TMEM71: variants seen among roughly 807,000 people sequenced by gnomAD.
TMEM71 encodes transmembrane protein 71.
In TMEM71, 44 loss-of-function variants were observed where a neutral mutation model predicts 38.0. That is an observed-to-expected ratio of 1.16 (90% CI 0.91 to 1.49). The LOEUF is 1.49. Ranked by LOEUF, TMEM71 falls within the 40% of genes most tolerant of loss-of-function variation. The probability of loss-of-function intolerance (pLI) is 0.00; values close to 1 mark genes in which losing one functional copy is unlikely to be tolerated. For missense variants in TMEM71, 367 were observed against 348.6 expected (o/e 1.05, Z -0.42); for synonymous variants, 133 against 122.5 (o/e 1.09, Z -0.56).
At position 132,710,002 on chromosome 8, in the gene TMEM71, G is replaced by A. The variant is rs1468387623; in HGVS notation, c.*965C>T. On this transcript the variant is annotated 3_prime_UTR_variant, in exon 10 of 10. Transcript: ENST00000677595. ...TTTTTTAACCAAAAATGTACTAAAT[G>A]CAAATTATATATAAAGTTATATTTT... is the stretch of plus-strand genomic sequence containing the variant. 1 of 151,974 alleles carries A rather than the reference G, an allele frequency of 6.6e-6. No individual in the cohort carries two copies. The highest frequency in any genetic ancestry group is 6.5e-5 in the Admixed American group (1 of 15,270). The allele number at this position is 151,974 out of a possible 1,614,324, so 9.4% of individuals were successfully genotyped here. A position where few individuals can be genotyped will look rare whatever the true frequency, so the allele number is the denominator to read the frequency against.
At chr8:132,770,834 C>T in the TMEM71 span, among the ~76,000 whole-genome samples, 1 of 152,122 alleles carries the variant, frequency 6.6e-6, no homozygotes, top group Admixed American at 6.5e-5. Context: ...GATTTCCAGT[C>T]CCCAAACCTA....
chr8:132,743,571 T>C (rs550939175), intron 5 of TMEM71, among the ~76,000 whole-genome samples: 31 of 152,350 alleles, frequency 2.0e-4, no homozygotes, highest in Non-Finnish European at 4.1e-4. Context: ...TCCTATTCAC[T>C]TATTCAATGT....
intron 5 of TMEM71, among the ~76,000 whole-genome samples, chr8:132,736,967 A>C (rs1827784093): frequency 6.6e-6 from 1 of 152,260 alleles, no homozygotes; most frequent in East Asian, 1.9e-4. Context: ...ATGTTGAAAC[A>C]TCACATTGCC....
intron 5 of TMEM71, among the ~76,000 whole-genome samples, chr8:132,730,122 C>A (rs1827372938): frequency 6.6e-6 from 1 of 152,126 alleles, no homozygotes; most frequent in South Asian, 2.1e-4. Context: ...CCATGCCCAG[C>A]TAATTTTGTA....
chr8:132,773,104 G>C, the TMEM71 span, among the ~76,000 whole-genome samples: 1 of 152,166 alleles, frequency 6.6e-6, no homozygotes. Flanking sequence ...TGAATGTCTG[G>C]AAGGACATCT....
chr8:132,713,366 T>G (rs910955322), intron 9 of TMEM71, among the ~76,000 whole-genome samples: 2 of 152,086 alleles, frequency 1.3e-5, no homozygotes, highest in Admixed American at 1.3e-4. Context: ...GATTTCAGAA[T>G]TAGCGCAGAT....
chr8:132,715,323 T>C (rs887580908), intron 7 of TMEM71, among the ~76,000 whole-genome samples: 5 of 139,984 alleles, frequency 3.6e-5, no homozygotes, highest in African/African-American at 8.1e-5. Flanking sequence ...GGCAGGAGAA[T>C]GGCGTGAACC....
intron 7 of TMEM71, among the ~76,000 whole-genome samples, chr8:132,720,447 C>T (rs1826777513): frequency 6.6e-6 from 1 of 152,190 alleles, no homozygotes; most frequent in South Asian, 2.1e-4. Context: ...CACATTATTT[C>T]ACTGATTATT....
intron 9 of TMEM71, among the ~76,000 whole-genome samples, chr8:132,711,717 T>A (rs921133404): frequency 1.3e-5 from 2 of 152,110 alleles, no homozygotes; most frequent in Non-Finnish European, 2.9e-5. Flanking sequence ...TTAAATTTAA[T>A]CAGGAAAGCA....
At chr8:132,775,538 G>A in the TMEM71 span, 1 of 370,492 alleles carries the variant, frequency 2.7e-6, no homozygotes, top group Non-Finnish European at 4.8e-6. Flanking sequence ...TCCCTCCCCG[G>A]CCGCTGCCTG....
chr8:132,751,190 A>T (rs2467984), intron 4 of TMEM71, among the ~76,000 whole-genome samples: 3,986 of 152,080 alleles, frequency 0.026, 184 homozygotes, highest in African/African-American at 0.092. Flanking sequence ...CCCTGCTCCC[A>T]TGCTCAGTCT....
intron 3 of TMEM71, among the ~76,000 whole-genome samples, chr8:132,752,302 T>C (rs543611843): frequency 3.3e-5 from 5 of 152,190 alleles, no homozygotes; most frequent in Admixed American, 2.0e-4. Flanking sequence ...TTTTTTTGGA[T>C]GGGATGGTGG....
At chr8:132,750,733 C>A (rs1586804070) in intron 4 of TMEM71, among the ~76,000 whole-genome samples, 1 of 152,134 alleles carries the variant, frequency 6.6e-6, no homozygotes, top group African/African-American at 2.4e-5. Context: ...CCCAATTTAC[C>A]AATGCAAAGT....
downstream of TMEM71, among the ~76,000 whole-genome samples, chr8:132,708,033 G>T (rs1328189783): frequency 6.6e-6 from 1 of 152,138 alleles, no homozygotes; most frequent in Non-Finnish European, 1.5e-5. Flanking sequence ...ATATATACAT[G>T]AAATCATATT....
the TMEM71 span, among the ~76,000 whole-genome samples, chr8:132,774,706 T>G: frequency 6.6e-6 from 1 of 152,266 alleles, no homozygotes; most frequent in Non-Finnish European, 1.5e-5. Flanking sequence ...CTGTGCTTAG[T>G]AAAGTTTGGG....
intron 2 of TMEM71, 25 bp downstream of exon 2, chr8:132,758,815 C>T (rs1013511843): frequency 5.6e-6 from 9 of 1,604,680 alleles, no homozygotes; most frequent in Non-Finnish European, 7.7e-6. Context: ...AAGATAATTG[C>T]GTATCACAGT....
chr8:132,726,681 A>G (rs1827159759), intron 6 of TMEM71, among the ~76,000 whole-genome samples: 1 of 152,228 alleles, frequency 6.6e-6, no homozygotes, highest in African/African-American at 2.4e-5. Flanking sequence ...CACCATGTCC[A>G]AACATGCTTA....
intron 5 of TMEM71, among the ~76,000 whole-genome samples, chr8:132,745,136 T>C (rs962925950): frequency 1.3e-5 from 2 of 151,996 alleles, no homozygotes; most frequent in African/African-American, 2.4e-5. Context: ...TATGAATAAG[T>C]CCTCAAAAGC....
At chr8:132,713,831 A>C (rs1289590787) in intron 9 of TMEM71, among the ~76,000 whole-genome samples, 164 bp downstream of exon 9, 1 of 152,228 alleles carries the variant, frequency 6.6e-6, no homozygotes, top group African/African-American at 2.4e-5. Context: ...AGGAGGCAGG[A>C]TGATAATACT....
Sources: gnomAD v4.1 joint callset for allele counts (sites outside exome capture counted in the v4.1 genomes callset) on GRCh38, gnomAD v4.1.1 for gene constraint, MANE v1.5 for transcripts, NCBI Gene and HGNC (gene_info 2026-07-23, HGNC 2026-07-21) for gene names.